Variants in ADHFE1 observed in about 807,000 individuals in gnomAD.
The protein encoded by ADHFE1 is alcohol dehydrogenase iron containing 1, also known as hydroxyacid-oxoacid transhydrogenase, mitochondrial.
Under a neutral mutation model 54.8 loss-of-function variants are expected in ADHFE1, and 37 were observed. The observed-to-expected ratio is 0.68, with a 90% CI of 0.52 to 0.89. ADHFE1 has a LOEUF of 0.89. Among genes scored for constraint, ADHFE1 ranks in the 40% least tolerant of loss-of-function variants. ADHFE1 has a pLI of 0.00. For synonymous variants in ADHFE1, 203 were observed against 229.3 expected (o/e 0.89, Z 1.04); for missense variants, 601 against 591.2 (o/e 1.02, Z -0.17).
At chr8:66,464,840 G>A (rs975921954) in intron 13 of ADHFE1, among the ~76,000 whole-genome samples, 1 of 152,062 alleles carries the variant, frequency 6.6e-6, no homozygotes, top group Non-Finnish European at 1.5e-5. Flanking sequence ...TGCCAAACAA[G>A]TGGTGTGTCT....
At chr8:66,451,710 A>G (rs998905950) in intron 8 of ADHFE1, among the ~76,000 whole-genome samples, 1 of 152,212 alleles carries the variant, frequency 6.6e-6, no homozygotes, top group Admixed American at 6.5e-5. Flanking sequence ...ATATAATCTT[A>G]TACATACTAC....
At chr8:66,465,067 A>G (rs1807096821) in intron 13 of ADHFE1, among the ~76,000 whole-genome samples, 1 of 152,212 alleles carries the variant, frequency 6.6e-6, no homozygotes, top group Admixed American at 6.5e-5. Context: ...TTTATAGCTG[A>G]ATAATGTTCC....
rs537517929 is a variant in ADHFE1, at chr8:66,460,747, G to A, written c.1320+282G>A. 9.2e-5 allele frequency among the ~76,000 whole-genome samples: 14 copies of A among 152,304 alleles called. No homozygotes were observed. In the South Asian group the frequency reaches 2.1e-3, roughly 23 times the overall value. On this transcript the variant is annotated intron_variant, in intron 13 of 13. Transcript: ENST00000396623. The stretch of plus-strand genomic sequence containing the variant: ...AATTCAAGGCAAAAACAACCAAACT[G>A]ATCTTGAACTATGGCAAAATTTCCC...
intron 13 of ADHFE1, 104 bp downstream of exon 13, chr8:66,460,569 C>T: frequency 7.1e-7 from 1 of 1,418,168 alleles, no homozygotes. Flanking sequence ...CCAGGGCTCC[C>T]CGGTGGTTCT....
At chr8:66,436,491 C>T (rs1019465064) in intron 1 of ADHFE1, among the ~76,000 whole-genome samples, 12 of 151,974 alleles carry the variant, frequency 7.9e-5, no homozygotes, top group African/African-American at 2.7e-4. Flanking sequence ...TTCTCCGGCA[C>T]GAACAACTGG....
intron 1 of ADHFE1, among the ~76,000 whole-genome samples, chr8:66,434,996 G>A (rs1303772078): frequency 6.7e-6 from 1 of 150,256 alleles, no homozygotes; most frequent in Non-Finnish European, 1.5e-5. Flanking sequence ...AAAAAAAGAT[G>A]TGCAATGCAG....
In ADHFE1 at chr8:66,432,548, A is replaced by G. The variant is rs1805250555; in HGVS notation, c.32A>G (p.Tyr11Cys). The change falls in exon 1 of 14, where the codon TAC becomes TGC. Residue 11 changes from tyrosine (Y) to cysteine (C), a missense_variant. Tyr to Cys is a radical substitution (Grantham distance 194). Transcript: ENST00000396623. The part of the protein sequence containing the change: MAAAARARVA[Y>C]LLRQLQRAAC... The stretch of plus-strand genomic sequence containing the variant: ...GCTGCCGCCCGAGCCCGGGTCGCGT[A>G]CTTGCTGAGGCAACTGCAACGCGCA... 7.4e-7 allele frequency: 1 copy of G among 1,357,914 alleles called. No homozygotes were observed. Among genetic ancestry groups the G allele is most frequent in the Non-Finnish European group, 9.6e-7 (1 of 1,044,904 alleles). The allele number at this position is 1,357,914 out of a possible 1,614,324, so 84.1% of individuals were successfully genotyped here. A position where few individuals can be genotyped will look rare whatever the true frequency, so the allele number is the denominator to read the frequency against.
intron 3 of ADHFE1, among the ~76,000 whole-genome samples, chr8:66,444,061 A>ATT (rs1805903561): frequency 6.6e-6 from 1 of 152,194 alleles, no homozygotes; most frequent in East Asian, 1.9e-4. Context: ...AAAGTAAGAC[A>ATT]TTTGAGAGTT....
At chr8:66,458,190 C>T (rs2130460784) in intron 12 of ADHFE1, among the ~76,000 whole-genome samples, 1 of 152,282 alleles carries the variant, frequency 6.6e-6, no homozygotes, top group East Asian at 1.9e-4. Flanking sequence ...ACATCTTATT[C>T]CGCCACTTGT....
chr8:66,460,572 G>A (rs1806844558), intron 13 of ADHFE1, 107 bp downstream of exon 13: 3 of 1,380,156 alleles, frequency 2.2e-6, no homozygotes, highest in Non-Finnish European at 2.9e-6. Context: ...GGGCTCCCCG[G>A]TGGTTCTCGG....
At chr8:66,443,500 A>G (rs1805873294) in intron 3 of ADHFE1, among the ~76,000 whole-genome samples, 1 of 151,856 alleles carries the variant, frequency 6.6e-6, no homozygotes, top group African/African-American at 2.4e-5. Flanking sequence ...CTGGTCTCGA[A>G]CTCCTGACCT....
Position 66,463,253 on chromosome 8 carries a change from A to G in ADHFE1, c.1320+2788A>G, listed in dbSNP as rs572933437. Among the ~76,000 whole-genome samples the G allele has an allele frequency of 2.6e-5, 4 of 152,368 alleles. No individual in the cohort carries two copies. The South Asian group carries it at 6.2e-4, about 24-fold the overall frequency. On this transcript the variant is annotated intron_variant, in intron 13 of 13. Coordinates refer to ENST00000396623, the MANE Select transcript of ADHFE1 (RefSeq NM_144650.3). ...TATCATTCTGAATGCCTCAGTGCACATGCAATACTGGGAAATCACAGATAG... is the reference window on the plus strand; with the variant it reads ...TATCATTCTGAATGCCTCAGTGCACGTGCAATACTGGGAAATCACAGATAG...
Position 66,468,446 on chromosome 8 carries a change from T to G in ADHFE1, c.*94T>G. On this transcript the variant is annotated 3_prime_UTR_variant, in exon 14 of 14. Transcript: ENST00000396623. ...GGCTTTGTCTTTTCATCTTTGCGCATAACTTACCTGTTACCAGTATAGGTG... is the reference window on the plus strand; with the variant it reads ...GGCTTTGTCTTTTCATCTTTGCGCAGAACTTACCTGTTACCAGTATAGGTG... 188 of 912,682 alleles carry G rather than the reference T, an allele frequency of 2.1e-4. No individual in the cohort carries two copies. Among genetic ancestry groups the G allele is most frequent in the Non-Finnish European group, 2.8e-4 (174 of 614,648 alleles). The allele number at this position is 912,682 out of a possible 1,614,324, so 56.5% of individuals were successfully genotyped here.
At position 66,448,879 on chromosome 8, in the gene ADHFE1, G is replaced by A. The variant is rs1395583171; in HGVS notation, c.643G>A (p.Ala215Thr). ...LKVKIGITSR[A>T]IKPTLGLIDP... ...TTATGTTTTAGGCATCACTTCGAGA[G>A]CCATCAAACCCACACTGGGACTGAT... Residue 215 changes from alanine (A) to threonine (T), a missense_variant, in exon 8 of 14, where the codon GCC (alanine) becomes ACC (threonine). By Grantham distance (58) the Ala-to-Thr change is moderately conservative. Coordinates refer to ENST00000396623, the MANE Select transcript of ADHFE1 (RefSeq NM_144650.3). The A allele has an allele frequency of 5.6e-6, 9 of 1,614,036 alleles. No individual in the cohort carries two copies. Among genetic ancestry groups the A allele is most frequent in the Non-Finnish European group, 7.6e-6 (9 of 1,179,998 alleles).
chr8:66,468,169 A>C, intron 13 of ADHFE1, 100 bp from the exon 14 acceptor site: 1 of 818,826 alleles, frequency 1.2e-6, no homozygotes, highest in East Asian at 2.6e-5. Context: ...GCGTTTATCA[A>C]GTCATTGATT....
intron 7 of ADHFE1, 92 bp downstream of exon 7, chr8:66,447,433 C>G (rs1806087019): frequency 9.2e-7 from 1 of 1,087,658 alleles, no homozygotes; most frequent in Non-Finnish European, 1.4e-6. Context: ...AGTTATGATA[C>G]AGTTAGAATA....
chr8:66,467,310 C>A (rs1807247611), intron 13 of ADHFE1, among the ~76,000 whole-genome samples: 1 of 152,116 alleles, frequency 6.6e-6, no homozygotes, highest in Non-Finnish European at 1.5e-5. Context: ...GGTGTCATTT[C>A]TGAGATGAGA....
At chr8:66,441,772 G>A (rs2130368466) in intron 2 of ADHFE1, among the ~76,000 whole-genome samples, 1 of 152,128 alleles carries the variant, frequency 6.6e-6, no homozygotes, top group South Asian at 2.1e-4. Context: ...CGGGGTGGGT[G>A]GATCACGAGG....
At chr8:66,450,291 G>C (rs1806233763) in intron 8 of ADHFE1, among the ~76,000 whole-genome samples, 1 of 152,224 alleles carries the variant, frequency 6.6e-6, no homozygotes, top group Non-Finnish European at 1.5e-5. Context: ...ACCCAAAGCA[G>C]CCACCCTTAA....
Sources: allele counts gnomAD v4.1 joint callset (sites outside exome capture counted in the v4.1 genomes callset), GRCh38; gene constraint gnomAD v4.1.1; transcripts MANE v1.5; gene names NCBI Gene and HGNC (gene_info 2026-07-23, HGNC 2026-07-21).